The following ZFYVE9 variants were observed in gnomAD, a reference collection of about 807,000 sequenced individuals.
The protein encoded by ZFYVE9 is zinc finger FYVE-type containing 9, also known as zinc finger FYVE domain-containing protein 9.
Under a neutral mutation model 126.7 loss-of-function variants are expected in ZFYVE9, and 43 were observed. That is an observed-to-expected ratio of 0.34 (90% CI 0.27 to 0.44). The LOEUF is 0.44. ZFYVE9 is among the 20% of genes least tolerant of loss of function. ZFYVE9 has a pLI of 1.00. For missense variants in ZFYVE9, 1,476 were observed against 1,697.0 expected (o/e 0.87, Z 2.29); for synonymous variants, 521 against 597.4 (o/e 0.87, Z 1.87).
intron 1 of ZFYVE9, among the ~76,000 whole-genome samples, chr1:52,181,796 G>T (rs967028030): frequency 2.6e-5 from 4 of 151,846 alleles, no homozygotes; most frequent in Admixed American, 1.3e-4. Context: ...GAGGTGAGGA[G>T]CGTCTCTGGC....
chr1:52,198,369 T>TC (rs1644885119), intron 1 of ZFYVE9, among the ~76,000 whole-genome samples: 1 of 152,018 alleles, frequency 6.6e-6, no homozygotes, highest in African/African-American at 2.4e-5. Flanking sequence ...TCGACCTCCC[T>TC]TACAGGCATG....
intron 13 of ZFYVE9, among the ~76,000 whole-genome samples, chr1:52,322,040 A>G (rs1480976897): frequency 6.6e-6 from 1 of 152,056 alleles, no homozygotes; most frequent in Non-Finnish European, 1.5e-5. Flanking sequence ...TGACATCTCC[A>G]CTTGCATACA....
intron 1 of ZFYVE9, among the ~76,000 whole-genome samples, chr1:52,187,974 G>C (rs942137083): frequency 6.6e-6 from 1 of 152,160 alleles, no homozygotes; most frequent in African/African-American, 2.4e-5. Context: ...TCCCATTACT[G>C]GGTATATACC....
At chr1:52,192,031 C>CTT (rs34736381) in intron 1 of ZFYVE9, among the ~76,000 whole-genome samples, 157 of 146,026 alleles carry the variant, frequency 1.1e-3, no homozygotes, top group Middle Eastern at 0.011. Context: ...TTGGCAGGGG[C>CTT]TTTTTTTTTT....
intron 1 of ZFYVE9, among the ~76,000 whole-genome samples, chr1:52,188,596 C>CA (rs1047216044): frequency 6.6e-6 from 1 of 151,894 alleles, no homozygotes; most frequent in African/African-American, 2.4e-5. Flanking sequence ...TAATTTTGTA[C>CA]AAAAAATAGT....
At position 52,237,802 on chromosome 1, in the gene ZFYVE9, G is replaced by T. The variant is rs777509003; in HGVS notation, c.385G>T (p.Val129Phe). 1.9e-6 allele frequency: 3 copies of T among 1,613,986 alleles called. No homozygotes were observed. Among genetic ancestry groups the T allele is most frequent in the Non-Finnish European group, 2.5e-6 (3 of 1,179,980 alleles). ...TAGTTGGGATGATCAATGCAGTGCT[G>T]TTGAAGTGGGAGAGAAGAAATGTGG... ...NYSWDDQCSA[V>F]EVGEKKCGNL... The change falls in exon 4 of 19, where the codon GTT becomes TTT. Residue 129 changes from valine to phenylalanine, a missense_variant. Val to Phe is a conservative substitution (Grantham distance 50). This residue lies in a region of ZFYVE9 where 807 missense variants were observed against 794.6 expected (regional missense o/e 1.02). Coordinates refer to ENST00000287727, the MANE Select transcript of ZFYVE9 (RefSeq NM_004799.4).
chr1:52,221,568 A>G (rs887778004), intron 2 of ZFYVE9, among the ~76,000 whole-genome samples: 1 of 152,160 alleles, frequency 6.6e-6, no homozygotes, highest in African/African-American at 2.4e-5. Flanking sequence ...GGTTTCCCCC[A>G]AAGGTTATTT....
chr1:52,264,581 T>C (rs1333531180), intron 5 of ZFYVE9, among the ~76,000 whole-genome samples: 2 of 152,228 alleles, frequency 1.3e-5, no homozygotes, highest in Admixed American at 6.5e-5. Flanking sequence ...GTTCAGGTTA[T>C]AGTATTTTCT....
At chr1:52,180,099 A>C in intron 1 of ZFYVE9, 1 of 919,120 alleles carries the variant, frequency 1.1e-6, no homozygotes, top group Admixed American at 1.7e-5. Context: ...TAAATTGAAG[A>C]ATAAATTTGA....
chr1:52,216,295 A>G (rs181381253), intron 1 of ZFYVE9, 74 bp from the exon 2 acceptor site: 2 of 397,528 alleles, frequency 5.0e-6, no homozygotes, highest in Admixed American at 4.4e-5. Flanking sequence ...TTGTCTGGCT[A>G]TGGTAGATTT....
intron 13 of ZFYVE9, among the ~76,000 whole-genome samples, chr1:52,316,001 A>G (rs919904101): frequency 4.6e-5 from 7 of 151,750 alleles, no homozygotes; most frequent in African/African-American, 1.7e-4. Context: ...CCCCGTCTCT[A>G]CTAAAAATAC....
At chr1:52,296,860 T>C (rs2147834336) in intron 12 of ZFYVE9, among the ~76,000 whole-genome samples, 1 of 152,320 alleles carries the variant, frequency 6.6e-6, no homozygotes, top group Middle Eastern at 3.4e-3. Flanking sequence ...ATCGCCCAAG[T>C]TGGAATGCAG....
At chr1:52,168,994 G>A (rs1324169) in intron 1 of ZFYVE9, among the ~76,000 whole-genome samples, 8,070 of 152,104 alleles carry the variant, frequency 0.053, 234 homozygotes, top group South Asian at 0.075. Context: ...TCTGTGCTTT[G>A]TTCTTGCTGT....
At chr1:52,341,499 G>GA (rs1001044136) in intron 17 of ZFYVE9, among the ~76,000 whole-genome samples, 6 of 152,026 alleles carry the variant, frequency 3.9e-5, no homozygotes, top group Non-Finnish European at 5.9e-5. Flanking sequence ...AATAAAATAC[G>GA]AAAAAAATTT....
At chr1:52,159,953 G>A (rs1003298482) in intron 1 of ZFYVE9, among the ~76,000 whole-genome samples, 25 of 151,798 alleles carry the variant, frequency 1.6e-4, no homozygotes, top group Admixed American at 5.9e-4. Context: ...CCGCCACCAT[G>A]CCCGGCTAAT....
At chr1:52,332,656 C>T in intron 13 of ZFYVE9, 112 bp from the exon 14 acceptor site, 1 of 1,275,226 alleles carries the variant, frequency 7.8e-7, no homozygotes. Context: ...CCCTTTTTGT[C>T]ACTTTAATAC....
chr1:52,158,103 G>A (rs1644420050), intron 1 of ZFYVE9, among the ~76,000 whole-genome samples: 2 of 152,156 alleles, frequency 1.3e-5, no homozygotes, highest in South Asian at 2.1e-4. Flanking sequence ...GCAAGTTTAT[G>A]CCATCTCCCA....
At chr1:52,181,233 C>A (rs1370817530) in intron 1 of ZFYVE9, among the ~76,000 whole-genome samples, 1 of 152,212 alleles carries the variant, frequency 6.6e-6, no homozygotes, top group African/African-American at 2.4e-5. Flanking sequence ...CAGGCGCGCG[C>A]TGCCACGCCT....
At chr1:52,266,405 T>TTAAAAAAA (rs1181730554) in intron 5 of ZFYVE9, among the ~76,000 whole-genome samples, 17 of 85,640 alleles carry the variant, frequency 2.0e-4, no homozygotes, top group African/African-American at 7.7e-4. Flanking sequence ...TCTAATTCTT[T>TTAAAAAAA]AAAAAAAAAA....
Sources: allele counts gnomAD v4.1 joint callset (sites outside exome capture counted in the v4.1 genomes callset), GRCh38; gene constraint gnomAD v4.1.1; regional missense constraint gnomAD v4.1.1; transcripts MANE v1.5; gene names NCBI Gene and HGNC (gene_info 2026-07-23, HGNC 2026-07-21).